Variants in OXR1 observed in about 807,000 individuals in gnomAD.
The protein encoded by OXR1 is oxidation resistance protein 1.
OXR1 carries 41 observed loss-of-function variants against 104.6 expected under a neutral mutation model. The observed-to-expected ratio is 0.39, with a 90% CI of 0.31 to 0.51. The LOEUF is 0.51. OXR1 is among the 20% of genes least tolerant of loss of function. The pLI, the probability that OXR1 is intolerant of heterozygous loss-of-function variation, is 0.77. For synonymous variants in OXR1, 348 were observed against 348.4 expected (o/e 1.00, Z 0.01); for missense variants, 955 against 1,031.9 (o/e 0.93, Z 1.02).
At chr8:106,616,411 A>G (rs3101523) in intron 3 of OXR1, among the ~76,000 whole-genome samples, 59,519 of 151,222 alleles carry the variant, frequency 0.39, 12,033 homozygotes, top group African/African-American at 0.48. Context: ...AGTTTTACAT[A>G]AGTTACCTCA....
intron 1 of OXR1, among the ~76,000 whole-genome samples, chr8:106,339,508 AAAAAAAAAAAAATATATATATATATAT>A (rs1308426197): frequency 8.3e-5 from 4 of 48,132 alleles, no homozygotes; most frequent in African/African-American, 1.5e-4. Flanking sequence ...AAAAAAAAAA[AAAAAAAAAAAAATATATATATATATAT>A]ATATATATAT....
chr8:106,361,097 C>T (rs529296851), intron 2 of OXR1, among the ~76,000 whole-genome samples: 6 of 152,250 alleles, frequency 3.9e-5, no homozygotes, highest in African/African-American at 7.2e-5. Flanking sequence ...CAGTGAACTC[C>T]GCAAAGAGAG....
In OXR1 at chr8:106,751,621, A is replaced by G. The variant is rs1351530729; in HGVS notation, c.*680A>G. On this transcript the variant is annotated 3_prime_UTR_variant, in exon 17 of 17. Coordinates refer to ENST00000517566, the MANE Select transcript of OXR1 (RefSeq NM_001198533.2). ...GGGCATATGCTTTCATCATTAAATTATCTGATAAAGTTACAAGTCACAAAG... is the reference window on the plus strand; with the variant it reads ...GGGCATATGCTTTCATCATTAAATTGTCTGATAAAGTTACAAGTCACAAAG... 1 of 152,606 alleles carries G rather than the reference A, an allele frequency of 6.6e-6. No individual in the cohort carries two copies. Among genetic ancestry groups the G allele is most frequent in the Admixed American group, 6.5e-5 (1 of 15,284 alleles). 9.5% of individuals were successfully genotyped at this position (152,606 alleles called of 1,614,324 possible).
intron 3 of OXR1, among the ~76,000 whole-genome samples, chr8:106,527,513 G>A (rs1901783): frequency 0.64 from 97,943 of 152,022 alleles, 31,854 homozygotes; most frequent in Admixed American, 0.73. Flanking sequence ...GTGGTTTCTC[G>A]AAGTTGTAAT....
chr8:106,651,941 G>A (rs1824611478), intron 3 of OXR1, among the ~76,000 whole-genome samples: 1 of 151,986 alleles, frequency 6.6e-6, no homozygotes, highest in Non-Finnish European at 1.5e-5. Context: ...TTTCAATTAT[G>A]TTTTGTATTT....
At chr8:106,614,190 T>C (rs1033648795) in intron 3 of OXR1, among the ~76,000 whole-genome samples, 1 of 152,242 alleles carries the variant, frequency 6.6e-6, no homozygotes, top group Non-Finnish European at 1.5e-5. Context: ...TTTTACCATA[T>C]GTTTTTCTTT....
Position 106,749,638 on chromosome 8 carries a change from T to C in OXR1, c.2487-1168T>C, listed in dbSNP as rs28924698. 5.5e-3 allele frequency among the ~76,000 whole-genome samples: 845 copies of C among 152,256 alleles called. 11 individuals carry two copies. Among genetic ancestry groups the C allele is most frequent in the African/African-American group, 0.02 (811 of 41,564 alleles). ...CCAGTTTTTTTCTTTCAATGAAATA[T>C]AACTGCCCATATTTTTTAAAAAAGC... is the stretch of plus-strand genomic sequence containing the variant. On this transcript the variant is annotated intron_variant, in intron 16 of 16. Coordinates refer to ENST00000517566, the MANE Select transcript of OXR1 (RefSeq NM_001198533.2).
chr8:106,698,068 A>G lies in OXR1; in HGVS notation c.676-4838A>G. 2.4e-6 allele frequency: 3 copies of G among 1,254,644 alleles called. No homozygotes were observed. In the African/African-American group the frequency reaches 4.4e-5, roughly 18 times the overall value. The allele number at this position is 1,254,644 out of a possible 1,614,324, so 77.7% of individuals were successfully genotyped here. On this transcript the variant is annotated intron_variant, in intron 7 of 16. Transcript: ENST00000517566. The stretch of plus-strand genomic sequence containing the variant: ...GTTCAAACGGGCTGGAGAGCGGCAC[A>G]CTCACTCAAGGCAATGGCTGCAGCT...
intron 11 of OXR1, among the ~76,000 whole-genome samples, chr8:106,736,594 G>C (rs1011213497): frequency 2.0e-5 from 3 of 152,110 alleles, no homozygotes; most frequent in African/African-American, 7.2e-5. Context: ...TATGGTAACT[G>C]TTTTTAGAAT....
chr8:106,557,005 A>G (rs1331947911), intron 3 of OXR1, among the ~76,000 whole-genome samples: 1 of 152,104 alleles, frequency 6.6e-6, no homozygotes, highest in African/African-American at 2.4e-5. Context: ...TTGAACAAAT[A>G]CTCACCTGCA....
intron 3 of OXR1, among the ~76,000 whole-genome samples, chr8:106,534,994 G>A (rs28708627): frequency 0.17 from 25,072 of 151,822 alleles, 2,150 homozygotes; most frequent in East Asian, 0.24. Flanking sequence ...ACGGAGTCTC[G>A]CTCTGTCGCC....
At chr8:106,646,111 T>C (rs1798826201) in intron 3 of OXR1, among the ~76,000 whole-genome samples, 1 of 152,128 alleles carries the variant, frequency 6.6e-6, no homozygotes, top group South Asian at 2.1e-4. Flanking sequence ...TTATCTTTTT[T>C]TTTTCTTTTT....
At position 106,361,983 on chromosome 8, in the gene OXR1, A is replaced by G. The variant is rs13438908; in HGVS notation, c.23+2347A>G. 5.6e-3 allele frequency among the ~76,000 whole-genome samples: 860 copies of G among 152,342 alleles called. 11 individuals carry two copies. The highest frequency in any genetic ancestry group is 0.02 in the African/African-American group (826 of 41,578). On this transcript the variant is annotated intron_variant, in intron 2 of 16. Coordinates refer to ENST00000517566, the MANE Select transcript of OXR1 (RefSeq NM_001198533.2). ...CCATATAATCATAACAAGGAGAGCT[A>G]CATGCTTCCAGTGTTCAAAGGAATC...
At chr8:106,593,450 T>G (rs1009520765) in intron 3 of OXR1, among the ~76,000 whole-genome samples, 3 of 152,238 alleles carry the variant, frequency 2.0e-5, no homozygotes, top group Non-Finnish European at 2.9e-5. Context: ...AGTATACACA[T>G]AGTAGATATT....
chr8:106,694,457 T>TAA (rs536217615), intron 7 of OXR1, among the ~76,000 whole-genome samples: 43 of 129,664 alleles, frequency 3.3e-4, no homozygotes, highest in East Asian at 2.7e-3. Flanking sequence ...TATATATATT[T>TAA]GATATATAAA....
chr8:106,450,214 T>C (rs1001255918), intron 2 of OXR1, among the ~76,000 whole-genome samples: 2 of 152,200 alleles, frequency 1.3e-5, no homozygotes, highest in Admixed American at 6.5e-5. Context: ...GGTCTGCTTA[T>C]GAAGACGTTC....
At chr8:106,348,670 T>C (rs1432529633) in intron 1 of OXR1, among the ~76,000 whole-genome samples, 1 of 152,146 alleles carries the variant, frequency 6.6e-6, no homozygotes, top group South Asian at 2.1e-4. Context: ...TTTTAAAAAA[T>C]GATTATTTAT....
chr8:106,579,954 G>A (rs186294634), intron 3 of OXR1, among the ~76,000 whole-genome samples: 248 of 152,046 alleles, frequency 1.6e-3, no homozygotes, highest in African/African-American at 5.5e-3. Context: ...CACACTTCCC[G>A]CCAGCTGCAT....
intron 2 of OXR1, among the ~76,000 whole-genome samples, chr8:106,497,105 T>G (rs1413720101): frequency 2.0e-5 from 3 of 152,224 alleles, no homozygotes; most frequent in Non-Finnish European, 1.5e-5. Context: ...GTGATATTTC[T>G]GACACACTTC....
Sources: allele counts gnomAD v4.1 joint callset (sites outside exome capture counted in the v4.1 genomes callset), GRCh38; gene constraint gnomAD v4.1.1; transcripts MANE v1.5; gene names NCBI Gene and HGNC (gene_info 2026-07-23, HGNC 2026-07-21).